The following PPP2R2B variants were observed in gnomAD, a reference collection of about 807,000 sequenced individuals.
PPP2R2B encodes the protein serine/threonine-protein phosphatase 2A 55 kDa regulatory subunit B beta isoform.
In PPP2R2B, 5 loss-of-function variants were observed where a neutral mutation model predicts 46.0. The observed-to-expected ratio is 0.11, with a 90% CI of 0.06 to 0.23. The LOEUF (loss-of-function observed/expected upper bound fraction) is 0.23. Ranked by LOEUF, PPP2R2B falls within the 10% of genes least tolerant of loss-of-function variation. The pLI, the probability that PPP2R2B is intolerant of heterozygous loss-of-function variation, is 1.00. For missense variants in PPP2R2B, 367 were observed against 575.0 expected, an observed-to-expected ratio of 0.64 and a Z score of 3.70; for synonymous variants, 215 against 206.7, an observed-to-expected ratio of 1.04 and a Z score of -0.34.
chr5:147,003,350 G>A (rs1415989523), intron 1 of PPP2R2B, among the ~76,000 whole-genome samples: 1 of 152,036 alleles, frequency 6.6e-6, no homozygotes, highest in African/African-American at 2.4e-5. Context: ...CAAGCTGTAG[G>A]GAGAGGGGAA....
chr5:146,925,809 G>A (rs140911536), intron 1 of PPP2R2B, among the ~76,000 whole-genome samples: 1 of 152,038 alleles, frequency 6.6e-6, no homozygotes, highest in African/African-American at 2.4e-5. Flanking sequence ...ACAGGTTTTT[G>A]AGGGCCTGTT....
intron 1 of PPP2R2B, among the ~76,000 whole-genome samples, chr5:146,908,570 G>A (rs1763077650): frequency 6.7e-6 from 1 of 149,040 alleles, no homozygotes; most frequent in Non-Finnish European, 1.5e-5. Context: ...CAATTACTGA[G>A]ACACTAAGGG....
Position 146,820,526 on chromosome 5 carries a change from T to C in PPP2R2B, c.70+57476A>G, listed in dbSNP as rs185043790. On this transcript the variant is annotated intron_variant, in intron 2 of 9. Transcript: ENST00000394411. ...TCCTGTGTTCAGTGGAATTTTAAAA[T>C]GCAATATAAAAGAGCAATGTGATCA... Among the ~76,000 whole-genome samples, 417 of 152,262 alleles carry C rather than the reference T, an allele frequency of 2.7e-3. 1 individual carries two copies. The highest frequency in any genetic ancestry group is 6.8e-3 in the Middle Eastern group (2 of 294).
At chr5:147,050,554 C>T (rs1225183748) in intron 1 of PPP2R2B, among the ~76,000 whole-genome samples, 1 of 152,062 alleles carries the variant, frequency 6.6e-6, no homozygotes, top group African/African-American at 2.4e-5. Flanking sequence ...GGGTTCTAAT[C>T]CTAGCCCTTG....
intron 2 of PPP2R2B, among the ~76,000 whole-genome samples, chr5:147,073,749 A>T (rs1247532114): frequency 1.3e-5 from 2 of 152,148 alleles, no homozygotes; most frequent in African/African-American, 4.8e-5. Flanking sequence ...TATTAGAATT[A>T]TTTGGGATGG....
intron 2 of PPP2R2B, among the ~76,000 whole-genome samples, chr5:146,864,031 T>A (rs981944858): frequency 5.3e-5 from 8 of 152,314 alleles, no homozygotes; most frequent in Admixed American, 5.2e-4. Context: ...TTTATTCCTA[T>A]CATCTAGAAA....
At chr5:147,015,538 T>C (rs930977572) in intron 1 of PPP2R2B, among the ~76,000 whole-genome samples, 1 of 151,596 alleles carries the variant, frequency 6.6e-6, no homozygotes, top group Non-Finnish European at 1.5e-5. Flanking sequence ...GAGCCTTCTC[T>C]GATTCCTCCA....
intron 1 of PPP2R2B, among the ~76,000 whole-genome samples, chr5:146,898,051 G>T (rs2151432892): frequency 6.6e-6 from 1 of 152,274 alleles, no homozygotes; most frequent in Non-Finnish European, 1.5e-5. Context: ...CGGGTGTGGT[G>T]GCAGGAGCCT....
intron 5 of PPP2R2B, among the ~76,000 whole-genome samples, chr5:146,674,767 A>G (rs907741576): frequency 1.3e-5 from 2 of 152,190 alleles, no homozygotes; most frequent in Non-Finnish European, 2.9e-5. Context: ...AACTTAGTTT[A>G]CATCTATTCT....
chr5:146,792,503 G>A (rs556020911), intron 2 of PPP2R2B, among the ~76,000 whole-genome samples: 20 of 152,276 alleles, frequency 1.3e-4, no homozygotes, highest in African/African-American at 3.9e-4. Context: ...CTGGTGGAGG[G>A]AGATATGTAA....
chr5:147,069,785 G>GTTTGTTTTTTTTTTTT (rs1757522492), intron 2 of PPP2R2B, among the ~76,000 whole-genome samples: 1 of 64,786 alleles, frequency 1.5e-5, no homozygotes, highest in African/African-American at 7.5e-5. Context: ...ATTTTATACT[G>GTTTGTTTTTTTTTTTT]TTTTTTTTTT....
chr5:146,663,738 C>T (rs1230599612), intron 5 of PPP2R2B, among the ~76,000 whole-genome samples: 3 of 152,168 alleles, frequency 2.0e-5, no homozygotes, highest in Non-Finnish European at 2.9e-5. Context: ...AATCTTTTTG[C>T]GGGTAGATGG....
chr5:146,847,895 C>A (rs368805657), intron 2 of PPP2R2B, among the ~76,000 whole-genome samples: 17 of 152,260 alleles, frequency 1.1e-4, no homozygotes, highest in African/African-American at 4.1e-4. Context: ...CGAGCTCCTG[C>A]GGCTTGGCTT....
intron 2 of PPP2R2B, among the ~76,000 whole-genome samples, chr5:146,764,747 C>T (rs1365052786): frequency 6.6e-6 from 1 of 152,004 alleles, no homozygotes; most frequent in Non-Finnish European, 1.5e-5. Context: ...CTTCTAATCT[C>T]AAGAGGTGAT....
intron 2 of PPP2R2B, among the ~76,000 whole-genome samples, chr5:146,813,048 C>T (rs991075008): frequency 6.7e-6 from 1 of 149,148 alleles, no homozygotes; most frequent in Admixed American, 6.7e-5. Flanking sequence ...AGTAATTTGC[C>T]CAAAGTCACA....
intron 2 of PPP2R2B, among the ~76,000 whole-genome samples, chr5:146,844,722 C>T (rs1475907544): frequency 6.6e-5 from 10 of 152,224 alleles, no homozygotes; most frequent in Non-Finnish European, 1.3e-4. Flanking sequence ...TTAGCAACCC[C>T]ATTTCTTTCT....
chr5:146,872,242 G>A (rs753531953), intron 2 of PPP2R2B, among the ~76,000 whole-genome samples: 2 of 152,194 alleles, frequency 1.3e-5, no homozygotes, highest in Non-Finnish European at 2.9e-5. Flanking sequence ...GATTTTCAAT[G>A]CATTCTGGTT....
intron 1 of PPP2R2B, among the ~76,000 whole-genome samples, chr5:146,985,081 T>G (rs1429612477): frequency 6.8e-6 from 1 of 147,822 alleles, no homozygotes; most frequent in African/African-American, 2.5e-5. Context: ...AGTGCAGTGG[T>G]GTGATCTCGG....
intron 1 of PPP2R2B, among the ~76,000 whole-genome samples, chr5:147,010,924 T>C (rs1378234128): frequency 3.3e-5 from 5 of 152,128 alleles, no homozygotes; most frequent in Non-Finnish European, 2.9e-5. Flanking sequence ...TGCTCAAACA[T>C]TCTTCACACA....
Sources: gnomAD v4.1 joint callset for allele counts (sites outside exome capture counted in the v4.1 genomes callset) on GRCh38, gnomAD v4.1.1 for gene constraint, MANE v1.5 for transcripts, NCBI Gene and HGNC (gene_info 2026-07-23, HGNC 2026-07-21) for gene names.